Variants in DENND1A observed in about 807,000 individuals in gnomAD.
DENND1A encodes DENN domain-containing protein 1A.
DENND1A carries 51 observed loss-of-function variants against 113.7 expected under a neutral mutation model. The ratio of observed to expected loss-of-function variants is 0.45; its 90% CI spans 0.36 to 0.57. The LOEUF is 0.57. Among genes scored for constraint, DENND1A ranks in the 20% least tolerant of loss-of-function variants. The pLI is 0.00. For missense variants in DENND1A, 1,258 were observed against 1,395.9 expected (o/e 0.90, Z 1.57); for synonymous variants, 565 against 570.8 (o/e 0.99, Z 0.14).
At chr9:123,738,740 C>A (rs2068763070) in intron 5 of DENND1A, among the ~76,000 whole-genome samples, 1 of 152,142 alleles carries the variant, frequency 6.6e-6, no homozygotes, top group Non-Finnish European at 1.5e-5. Flanking sequence ...TGAACTGGAC[C>A]TGTCTACTAT....
intron 1 of DENND1A, among the ~76,000 whole-genome samples, chr9:123,920,407 C>A (rs185447923): frequency 6.6e-6 from 1 of 152,092 alleles, no homozygotes; most frequent in Non-Finnish European, 1.5e-5. Context: ...CCAGCCTGGG[C>A]GACAAGAGCA....
intron 20 of DENND1A, among the ~76,000 whole-genome samples, chr9:123,404,460 C>T (rs7865976): frequency 0.18 from 28,118 of 152,196 alleles, 3,122 homozygotes; most frequent in African/African-American, 0.31. Flanking sequence ...CCGAGCCTGC[C>T]GGGGCAGGGG....
chr9:123,704,761 C>T (rs1039619100), intron 5 of DENND1A, among the ~76,000 whole-genome samples: 1 of 151,970 alleles, frequency 6.6e-6, no homozygotes, highest in Non-Finnish European at 1.5e-5. Flanking sequence ...AAAAAGACTA[C>T]CAACAGCCAA....
chr9:123,831,699 C>T (rs1840243482), intron 2 of DENND1A, among the ~76,000 whole-genome samples: 1 of 152,148 alleles, frequency 6.6e-6, no homozygotes, highest in Non-Finnish European at 1.5e-5. Flanking sequence ...AGTGCTATGC[C>T]TACTGAAGAT....
chr9:123,828,875 A>G (rs955692254), intron 2 of DENND1A, among the ~76,000 whole-genome samples: 3 of 152,196 alleles, frequency 2.0e-5, no homozygotes, highest in African/African-American at 7.2e-5. Context: ...TGAGTTCCCA[A>G]AGATAGGGAT....
intron 19 of DENND1A, among the ~76,000 whole-genome samples, chr9:123,427,779 G>A (rs756721174): frequency 6.6e-6 from 1 of 152,150 alleles, no homozygotes; most frequent in African/African-American, 2.4e-5. Context: ...GGCCCTACCT[G>A]CAGCACACAA....
intron 13 of DENND1A, among the ~76,000 whole-genome samples, chr9:123,546,409 G>C (rs1050258435): frequency 2.0e-5 from 3 of 151,816 alleles, no homozygotes; most frequent in Non-Finnish European, 2.9e-5. Flanking sequence ...AAAAGTAGCC[G>C]GGCGTGGTGG....
chr9:123,522,860 G>T (rs1295609425), intron 13 of DENND1A, among the ~76,000 whole-genome samples: 2 of 152,194 alleles, frequency 1.3e-5, no homozygotes, highest in African/African-American at 4.8e-5. Flanking sequence ...AGTCTAGAGA[G>T]ATGGAGCCAC....
intron 5 of DENND1A, among the ~76,000 whole-genome samples, chr9:123,727,490 T>A (rs945641142): frequency 2.0e-5 from 3 of 152,206 alleles, no homozygotes; most frequent in Non-Finnish European, 4.4e-5. Flanking sequence ...TCCAGATGTA[T>A]CCTTTGAAGC....
intron 13 of DENND1A, among the ~76,000 whole-genome samples, chr9:123,508,253 A>G (rs2053143648): frequency 6.6e-6 from 1 of 152,254 alleles, no homozygotes; most frequent in Non-Finnish European, 1.5e-5. Flanking sequence ...TGACAACGGG[A>G]TCATATTGTC....
chr9:123,683,172 A>G (rs1564941653), intron 5 of DENND1A, among the ~76,000 whole-genome samples: 3 of 152,206 alleles, frequency 2.0e-5, no homozygotes, highest in Admixed American at 2.0e-4. Flanking sequence ...TATGAAGCCC[A>G]TGTTGGACAT....
At chr9:123,737,283 C>T (rs1427115775) in intron 5 of DENND1A, among the ~76,000 whole-genome samples, 2 of 152,164 alleles carry the variant, frequency 1.3e-5, no homozygotes, top group Non-Finnish European at 2.9e-5. Flanking sequence ...CATCCTTGAA[C>T]TCCTGGGGCT....
chr9:123,459,533 C>G (rs918145882), intron 13 of DENND1A, among the ~76,000 whole-genome samples: 1 of 151,822 alleles, frequency 6.6e-6, no homozygotes, highest in African/African-American at 2.4e-5. Context: ...AGACGATACC[C>G]TGAGTTAAAA....
chr9:123,385,245 A>C, intron 22 of DENND1A, among the ~76,000 whole-genome samples: 1 of 151,628 alleles, frequency 6.6e-6, no homozygotes. Flanking sequence ...GCTCACTGCA[A>C]CCTCTGCCTC....
chr9:123,802,014 T>A (rs1019831262), intron 2 of DENND1A, among the ~76,000 whole-genome samples: 4 of 152,172 alleles, frequency 2.6e-5, no homozygotes, highest in African/African-American at 9.7e-5. Context: ...CAAAGAACTA[T>A]GTCTTCCATC....
At chr9:123,387,060 C>T (rs951642426) in intron 22 of DENND1A, among the ~76,000 whole-genome samples, 8 of 152,228 alleles carry the variant, frequency 5.3e-5, no homozygotes, top group Non-Finnish European at 1.0e-4. Context: ...ACCGTGTTAA[C>T]AAGGGCAGAC....
At chr9:123,838,232 C>T (rs613777) in intron 2 of DENND1A, among the ~76,000 whole-genome samples, 13,110 of 152,060 alleles carry the variant, frequency 0.086, 974 homozygotes, top group African/African-American at 0.2. Context: ...TCTTTCTGTG[C>T]GTTGGTTTGT....
At chr9:123,834,736 A>C (rs1271182000) in intron 2 of DENND1A, among the ~76,000 whole-genome samples, 1 of 152,204 alleles carries the variant, frequency 6.6e-6, no homozygotes, top group African/African-American at 2.4e-5. Context: ...CACCGCATAT[A>C]GTAAGTCTAC....
chr9:123,915,775 G>C (rs1854986514), intron 1 of DENND1A, among the ~76,000 whole-genome samples: 3 of 152,254 alleles, frequency 2.0e-5, no homozygotes, highest in South Asian at 4.1e-4. Flanking sequence ...GGGAAGAATA[G>C]GGTAGAGGAT....
Sources: allele counts gnomAD v4.1 joint callset (sites outside exome capture counted in the v4.1 genomes callset), GRCh38; gene constraint gnomAD v4.1.1; transcripts MANE v1.5; gene names NCBI Gene and HGNC (gene_info 2026-07-23, HGNC 2026-07-21).